ABCC3: variants seen among roughly 807,000 people sequenced by gnomAD.
ABCC3 encodes the protein ATP binding cassette subfamily C member 3, also known as ATP-binding cassette sub-family C member 3.
Under a neutral mutation model 165.3 loss-of-function variants are expected in ABCC3, and 121 were observed. The observed-to-expected ratio is 0.73, with a 90% CI of 0.63 to 0.85. ABCC3 has a LOEUF of 0.85. Among genes scored for constraint, ABCC3 ranks in the 40% least tolerant of loss-of-function variants. The probability of loss-of-function intolerance (pLI) is 0.00; values close to 1 mark genes in which losing one functional copy is unlikely to be tolerated. For synonymous variants in ABCC3, 733 were observed against 810.1 expected, an observed-to-expected ratio of 0.90 and a Z score of 1.62; for missense variants, 1,869 against 1,964.1, an observed-to-expected ratio of 0.95 and a Z score of 0.92.
chr17:50,659,015 A>G lies in ABCC3; in HGVS notation c.675-222A>G, dbSNP rs560953666. Among the ~76,000 whole-genome samples the G allele has an allele frequency of 7.9e-4, 120 of 152,162 alleles. 1 individual carries two copies. Among genetic ancestry groups the G allele is most frequent in the Non-Finnish European group, 1.5e-4 (10 of 67,976 alleles). ...TGGGGAGGAGATGGGACACCTGGGG[A>G]GGAGGAGGAGAAGGGGGTAGTGGTA... On this transcript the variant is annotated intron_variant, in intron 6 of 30. Coordinates refer to ENST00000285238, the MANE Select transcript of ABCC3 (RefSeq NM_003786.4).
At chr17:50,668,558 G>A (rs753138382) in intron 14 of ABCC3, 41 bp downstream of exon 14, 8 of 1,514,430 alleles carry the variant, frequency 5.3e-6, no homozygotes, top group Non-Finnish European at 7.3e-6. Context: ...CCCAGTCCTT[G>A]CTCCAGAAAA....
chr17:50,675,782 C>T lies in ABCC3; in HGVS notation c.2859+7C>T, dbSNP rs548381845. The T allele has an allele frequency of 1.8e-5, 28 of 1,574,600 alleles. No individual in the cohort carries two copies. The highest frequency in any genetic ancestry group is 1.7e-4 in the Middle Eastern group (1 of 6,006). On this transcript the variant is annotated splice_region_variant and intron_variant, in intron 21 of 30. Transcript: ENST00000285238. ...GAAAGCAGCCATTGGCACTGTGAGT[C>T]GGTGGGGCAAGAGGGGCTGGAGGGG...
In ABCC3 at chr17:50,635,159, A is replaced by G. The variant is rs1044278861; in HGVS notation, c.45+178A>G. 9.2e-6 allele frequency: 6 copies of G among 648,920 alleles called. No individual in the cohort carries two copies. The South Asian group carries it at 1.7e-4, about 18-fold the overall frequency. The allele number at this position is 648,920 out of a possible 1,614,324, so 40.2% of individuals were successfully genotyped here. A position where few individuals can be genotyped will look rare whatever the true frequency, so the allele number is the denominator to read the frequency against. On this transcript the variant is annotated intron_variant, in intron 1 of 30. Coordinates refer to ENST00000285238, the MANE Select transcript of ABCC3 (RefSeq NM_003786.4). ...GAGGGAGGTTGGCTGCGCCGCCCGG[A>G]GCCGGGTCCCACGCGGTGTCGGGGA...
intron 28 of ABCC3, 126 bp from the exon 29 acceptor site, chr17:50,684,583 T>C: frequency 9.5e-7 from 1 of 1,051,310 alleles, no homozygotes; most frequent in Non-Finnish European, 1.4e-6. Context: ...CATTGTGTCC[T>C]CTGGGGAGCT....
At position 50,680,864 on chromosome 17, in the gene ABCC3, C is replaced by T. The variant is rs144584417; in HGVS notation, c.3807+965C>T. Among the ~76,000 whole-genome samples, 688 of 152,184 alleles carry T rather than the reference C, an allele frequency of 4.5e-3. 9 individuals are homozygous for T. The highest frequency in any genetic ancestry group is 0.016 in the African/African-American group (658 of 41,502). ...CCAAGGTGGGTGGATCTCTTGAGGT[C>T]GGGAGTTCAAAACCAGCCTGGCCAA... is the stretch of plus-strand genomic sequence containing the variant. On this transcript the variant is annotated intron_variant, in intron 26 of 30. Coordinates refer to ENST00000285238, the MANE Select transcript of ABCC3 (RefSeq NM_003786.4).
intron 1 of ABCC3, chr17:50,635,305 C>G: frequency 1.6e-6 from 1 of 627,312 alleles, no homozygotes; most frequent in African/African-American, 1.8e-5. Context: ...ATCCCAGCCC[C>G]TCCGTCGGGT....
intron 25 of ABCC3, 120 bp from the exon 26 acceptor site, chr17:50,679,678 G>C: frequency 1.1e-6 from 1 of 900,660 alleles, no homozygotes; most frequent in Non-Finnish European, 1.8e-6. Flanking sequence ...GGCCCACCTG[G>C]GTCATCCATG....
At position 50,659,375 on chromosome 17, in the gene ABCC3, C is replaced by CCCT. The variant is rs1354430293; in HGVS notation, c.806+10_806+12dup. The stretch of plus-strand genomic sequence containing the variant: ...AGGAAAAGCAGACGGCACGGTGAGG[C>CCCT]CCTCCCCTTGCCCCAACACCCAGCC... On this transcript the variant is annotated splice_region_variant and intron_variant, in intron 7 of 30. Coordinates refer to ENST00000285238, the MANE Select transcript of ABCC3 (RefSeq NM_003786.4). 2 of 1,603,454 alleles carry CCCT rather than the reference C, an allele frequency of 1.2e-6. No individual in the cohort carries two copies. Among genetic ancestry groups the CCCT allele is most frequent in the African/African-American group, 2.7e-5 (2 of 74,748 alleles).
At chr17:50,637,798 A>C (rs2054193279) in intron 1 of ABCC3, among the ~76,000 whole-genome samples, 2 of 152,374 alleles carry the variant, frequency 1.3e-5, no homozygotes, top group African/African-American at 4.8e-5. Context: ...AGGGAGGAGA[A>C]AGAAAAATGG....
chr17:50,663,709 A>G lies in ABCC3; in HGVS notation c.1027A>G (p.Met343Val), dbSNP rs767412758. 1.8e-5 allele frequency: 29 copies of G among 1,614,080 alleles called. No homozygotes were observed. The highest frequency in any genetic ancestry group is 1.9e-5 in the Non-Finnish European group (22 of 1,180,038). ...CCTGATCAGGTTTATCTCCAACCCCATGGCCCCCTCCTGGTGGGGCTTCCT... is the reference window on the plus strand; with the variant it reads ...CCTGATCAGGTTTATCTCCAACCCCGTGGCCCCCTCCTGGTGGGGCTTCCT... The part of the protein sequence containing the change: ...SILIRFISNP[M>V]APSWWGFLVA... The change falls in exon 9 of 31, where the codon ATG (methionine) becomes GTG (valine). Residue 343 changes from methionine to valine, a missense_variant. By Grantham distance (21) the Met-to-Val change is conservative (BLOSUM62 1). Coordinates refer to ENST00000285238, the MANE Select transcript of ABCC3 (RefSeq NM_003786.4).
Position 50,663,963 on chromosome 17 carries a change from C to T in ABCC3, c.1190C>T (p.Thr397Ile). The change falls in exon 10 of 31, where the codon ACC (threonine) becomes ATC (isoleucine). Residue 397 changes from threonine (T) to isoleucine (I), a missense_variant. Physicochemically the swap from Thr to Ile is moderately conservative, Grantham distance 89 (BLOSUM62 -1). Transcript: ENST00000285238. ...GVIYRKALVITNSVKRASTVG... is the reference protein window; with the variant it reads ...GVIYRKALVIINSVKRASTVG... The stretch of plus-strand genomic sequence containing the variant: ...GTCTACCTGCAGGCTCTGGTTATCA[C>T]CAACTCAGTCAAACGTGCGTCCACT... 2 of 1,614,172 alleles carry T rather than the reference C, an allele frequency of 1.2e-6. No individual in the cohort carries two copies. The highest frequency in any genetic ancestry group is 1.7e-6 in the Non-Finnish European group (2 of 1,180,046).
At chr17:50,672,645 G>C (rs1967673208) in intron 17 of ABCC3, among the ~76,000 whole-genome samples, 1 of 152,174 alleles carries the variant, frequency 6.6e-6, no homozygotes, top group Non-Finnish European at 1.5e-5. Context: ...TGGGCCAATT[G>C]CTTGAGCTCA....
intron 29 of ABCC3, 62 bp from the exon 30 acceptor site, chr17:50,687,474 A>G: frequency 1.3e-6 from 2 of 1,526,506 alleles, no homozygotes; most frequent in Non-Finnish European, 1.8e-6. Context: ...CAGGTCTGGG[A>G]ATGAGGCCCA....
Position 50,668,499 on chromosome 17 carries a change from A to G in ABCC3, c.1852A>G (p.Arg618Gly), listed in dbSNP as rs373582948. ...GGAACTTGACCCCCAGAGTGTGGAA[A>G]GAAAGACCATCTCCCCAGGTCTAGA... ...QEELDPQSVE[R>G]KTISPGYAIT... is the part of the protein sequence containing the mutation. Residue 618 changes from arginine to glycine, a missense_variant, in exon 14 of 31, where the codon AGA becomes GGA. Transcript: ENST00000285238. The G allele has an allele frequency of 1.9e-6, 3 of 1,613,968 alleles. No homozygotes were observed. The highest frequency in any genetic ancestry group is 2.2e-5 in the East Asian group (1 of 44,876).
chr17:50,684,092 G>A lies in ABCC3; in HGVS notation c.4098G>A (p.Leu1366=). 6.2e-7 allele frequency: 1 copy of A among 1,613,108 alleles called. No individual in the cohort carries two copies. Among genetic ancestry groups the A allele is most frequent in the African/African-American group, 1.3e-5 (1 of 74,958 alleles). The change falls in exon 28 of 31, where the codon CTG becomes CTA. Residue 1366 remains leucine (L), a synonymous_variant. Transcript: ENST00000285238. ...DIGLHDLRSQ[L]TIIPQDPILF... ...GCCTCCATGACCTGCGCTCTCAGCT[G>A]ACCATCATCCCGCAGGTAGGAGCCT...
At chr17:50,678,306 TGCTCAGTATGGGCACCA>T (rs1179856287) in intron 25 of ABCC3, 87 bp downstream of exon 25, 2 of 1,405,508 alleles carry the variant, frequency 1.4e-6, no homozygotes, top group East Asian at 4.9e-5. Flanking sequence ...TGCCCCTCCC[TGCTCAGTATGGGCACCA>T]GCCACAGGGT....
intron 23 of ABCC3, 65 bp from the exon 24 acceptor site, chr17:50,677,679 G>A (rs1967848024): frequency 1.3e-6 from 2 of 1,507,564 alleles, no homozygotes; most frequent in Non-Finnish European, 1.8e-6. Flanking sequence ...GATGAGTTCA[G>A]AGACAGGCAG....
chr17:50,659,054 G>C, intron 6 of ABCC3, 183 bp from the exon 7 acceptor site: 1 of 623,914 alleles, frequency 1.6e-6, no homozygotes, highest in African/African-American at 1.8e-5. Context: ...ACTTCGGAGG[G>C]AGAGCCAGTG....
intron 1 of ABCC3, among the ~76,000 whole-genome samples, chr17:50,645,147 G>T (rs1284919351): frequency 6.6e-6 from 1 of 151,770 alleles, no homozygotes; most frequent in African/African-American, 2.4e-5. Context: ...GTTGCAGTGA[G>T]CCAAGGTCGC....
Sources: gnomAD v4.1 joint callset for allele counts (sites outside exome capture counted in the v4.1 genomes callset) on GRCh38, gnomAD v4.1.1 for gene constraint, MANE v1.5 for transcripts, NCBI Gene and HGNC (gene_info 2026-07-23, HGNC 2026-07-21) for gene names.